COL1A2: variants seen among roughly 807,000 people sequenced by gnomAD.
COL1A2 encodes the protein collagen type I alpha 2 chain.
COL1A2 carries 49 observed loss-of-function variants against 174.3 expected under a neutral mutation model. The observed-to-expected ratio is 0.28, with a 90% CI of 0.22 to 0.36. The LOEUF is 0.36. Among genes scored for constraint, COL1A2 ranks in the 10% least tolerant of loss-of-function variants. The pLI is 1.00. For synonymous variants in COL1A2, 655 were observed against 606.6 expected (o/e 1.08, Z -1.17); for missense variants, 1,438 against 1,822.7 (o/e 0.79, Z 3.84).
chr7:94,427,841 G>A lies in COL1A2; in HGVS notation c.3482G>A (p.Arg1161His), dbSNP rs542912072. The change falls in exon 49 of 52, where the codon CGC becomes CAC. Residue 1161 changes from arginine to histidine, a missense_variant. Arg to His is a conservative substitution (Grantham distance 29). Transcript: ENST00000297268. ...TPEGSRKNPA[R>H]TCRDLRLSHP... is the part of the protein sequence containing the mutation. ...GAAGGCTCTAGAAAGAACCCAGCTC[G>A]CACATGCCGTGACTTGAGACTCAGC... 3.3e-5 allele frequency: 53 copies of A among 1,613,996 alleles called. 1 individual carries two copies. The Middle Eastern group carries it at 5.1e-3, about 155-fold the overall frequency.
chr7:94,408,687 A>C, intron 15 of COL1A2, 83 bp from the exon 16 acceptor site: 3 of 1,453,676 alleles, frequency 2.1e-6, no homozygotes, highest in Admixed American at 3.4e-5. Flanking sequence ...TGCCACTGTA[A>C]GCAACTTCAA....
intron 20 of COL1A2, 40 bp from the exon 21 acceptor site, chr7:94,410,380 T>A (rs1791896922): frequency 6.4e-7 from 1 of 1,569,878 alleles, no homozygotes; most frequent in African/African-American, 1.4e-5. Context: ...ATTAAAATTA[T>A]TTTTTTACTC....
rs766360064 is a variant in COL1A2 at position 94,412,601 on chromosome 7, C to G, written c.1422C>G (p.Asp474Glu). The change falls in exon 25 of 52, where the codon GAC becomes GAG. Residue 474 changes from aspartate to glutamate, a missense_variant. Physicochemically the swap from Asp to Glu is conservative, Grantham distance 45. Coordinates refer to ENST00000297268, the MANE Select transcript of COL1A2 (RefSeq NM_000089.4). ...GCTTTCAGGGCCTCCCTGGCATCGA[C>G]GGCAGGCCTGGCCCAATTGGCCCAG... Reference protein sequence around the residue: ...KEGPVGLPGIDGRPGPIGPAG... With the variant: ...KEGPVGLPGIEGRPGPIGPAG... The G allele has an allele frequency of 2.5e-6, 4 of 1,613,768 alleles. No individual in the cohort carries two copies. The highest frequency in any genetic ancestry group is 2.5e-6 in the Non-Finnish European group (3 of 1,179,888).
intron 41 of COL1A2, 159 bp downstream of exon 41, chr7:94,424,602 TA>T: frequency 1.5e-6 from 1 of 650,754 alleles, no homozygotes; most frequent in South Asian, 1.9e-5. Context: ...TAAGAAGCTT[TA>T]ATACCACCTT....
intron 8 of COL1A2, 44 bp downstream of exon 8, chr7:94,404,790 A>C (rs1457253602): frequency 6.2e-7 from 1 of 1,614,088 alleles, no homozygotes; most frequent in Admixed American, 1.7e-5. Flanking sequence ...TTTTCCAGGA[A>C]GTTTATGAAT....
chr7:94,416,339 C>T (rs1054180127), intron 30 of COL1A2, 66 bp from the exon 31 acceptor site: 8 of 1,369,074 alleles, frequency 5.8e-6, no homozygotes, highest in East Asian at 2.5e-5. Context: ...TGTAAACTCT[C>T]ATATGTAAAA....
chr7:94,403,440 C>T (rs535154105), intron 6 of COL1A2, among the ~76,000 whole-genome samples: 11 of 152,026 alleles, frequency 7.2e-5, no homozygotes, highest in Admixed American at 3.3e-4. Context: ...CCATGAAATA[C>T]ACTACATTTT....
At chr7:94,410,128 C>T (rs1006662417) in intron 19 of COL1A2, 114 bp from the exon 20 acceptor site, 1 of 1,055,498 alleles carries the variant, frequency 9.5e-7, no homozygotes, top group Admixed American at 1.9e-5. Flanking sequence ...GGTACATTTC[C>T]TAGAGAACTT....
chr7:94,424,930 C>T, intron 41 of COL1A2, 187 bp from the exon 42 acceptor site: 1 of 629,156 alleles, frequency 1.6e-6, no homozygotes, highest in South Asian at 1.8e-5. Flanking sequence ...ATAAAGCTGG[C>T]CATCTACATG....
chr7:94,410,397 C>A (rs1022303616), intron 20 of COL1A2, 23 bp from the exon 21 acceptor site: 1 of 1,555,172 alleles, frequency 6.4e-7, no homozygotes, highest in Non-Finnish European at 8.7e-7. Context: ...ACTCCCTCTT[C>A]TTTTGTTCTT....
chr7:94,409,458 G>A, intron 17 of COL1A2, 38 bp downstream of exon 17: 1 of 1,612,562 alleles, frequency 6.2e-7, no homozygotes, highest in Non-Finnish European at 8.5e-7. Flanking sequence ...TTGAGTAAAA[G>A]AAAACAAAGG....
At chr7:94,407,019 T>C (rs142046527) in intron 12 of COL1A2, among the ~76,000 whole-genome samples, 6 of 152,168 alleles carry the variant, frequency 3.9e-5, no homozygotes, top group Admixed American at 3.9e-4. Flanking sequence ...GAGCCCGATA[T>C]AACAGCTCAG....
Position 94,407,956 on chromosome 7 carries a change from A to C in COL1A2, c.639+65A>C, listed in dbSNP as rs1791836528. On this transcript the variant is annotated intron_variant, in intron 13 of 51. Transcript: ENST00000297268. ...ACTCTTTATGAGATGGAACTTCTTT[A>C]ATGTTTTTGCTAATCACTGTATCCT... 2.0e-6 allele frequency: 3 copies of C among 1,465,858 alleles called. No homozygotes were observed. In the East Asian group the frequency reaches 6.9e-5, roughly 33 times the overall value. The allele number at this position is 1,465,858 out of a possible 1,614,324, so 90.8% of individuals were successfully genotyped here.
At chr7:94,423,913 G>GT in intron 40 of COL1A2, 1 of 229,156 alleles carries the variant, frequency 4.4e-6, no homozygotes, top group East Asian at 1.1e-4. Context: ...TTTCCTTTGT[G>GT]TATATACCCA....
chr7:94,418,423 GA>G (rs1056889379), intron 32 of COL1A2, 75 bp from the exon 33 acceptor site: 11 of 1,309,688 alleles, frequency 8.4e-6, no homozygotes, highest in East Asian at 2.3e-5. Flanking sequence ...CTGTAAAAAA[GA>G]AAAAAACTTC....
At chr7:94,419,693 A>G in intron 34 of COL1A2, 142 bp downstream of exon 34, 2 of 911,006 alleles carry the variant, frequency 2.2e-6, no homozygotes, top group Non-Finnish European at 3.6e-6. Flanking sequence ...ATAGAGCAGC[A>G]GGAAACAAAT....
chr7:94,426,305 A>G, intron 45 of COL1A2, 118 bp from the exon 46 acceptor site: 1 of 997,120 alleles, frequency 1.0e-6, no homozygotes, highest in Non-Finnish European at 1.6e-6. Flanking sequence ...GTGAGAGCCT[A>G]GCTAAACCAT....
intron 51 of COL1A2, 77 bp downstream of exon 51, chr7:94,429,507 G>A: frequency 1.3e-6 from 2 of 1,517,034 alleles, no homozygotes; most frequent in Non-Finnish European, 1.8e-6. Context: ...CCCCCAAGGG[G>A]GGGTCTAAAG....
intron 6 of COL1A2, among the ~76,000 whole-genome samples, chr7:94,403,630 A>G (rs397272): frequency 0.5 from 75,468 of 152,030 alleles, 19,756 homozygotes; most frequent in Admixed American, 0.57. Flanking sequence ...TTAAAATGAC[A>G]TACATTTTAG....
Sources: gnomAD v4.1 joint callset for allele counts (sites outside exome capture counted in the v4.1 genomes callset) on GRCh38, gnomAD v4.1.1 for gene constraint, MANE v1.5 for transcripts, NCBI Gene and HGNC (gene_info 2026-07-23, HGNC 2026-07-21) for gene names.